Variants in CLCA2 observed in about 807,000 individuals in gnomAD.
CLCA2 encodes the protein calcium-activated chloride channel regulator 2.
Under a neutral mutation model 82.9 loss-of-function variants are expected in CLCA2, and 85 were observed. The observed-to-expected ratio is 1.03, with a 90% CI of 0.86 to 1.23. The LOEUF (loss-of-function observed/expected upper bound fraction) is 1.23, where lower values mean the gene tolerates loss of function less well. Among genes scored for constraint, CLCA2 ranks in the 50% most tolerant of loss-of-function variants. The pLI is 0.00. For synonymous variants in CLCA2, 421 were observed against 391.7 expected, an observed-to-expected ratio of 1.07 and a Z score of -0.88; for missense variants, 1,089 against 1,124.8, an observed-to-expected ratio of 0.97 and a Z score of 0.45.
At chr1:86,436,058 C>G (rs1045646044) in intron 6 of CLCA2, among the ~76,000 whole-genome samples, 3 of 152,158 alleles carry the variant, frequency 2.0e-5, no homozygotes, top group Non-Finnish European at 4.4e-5. Context: ...TCTATGGATA[C>G]TTTATTGCTA....
At chr1:86,428,350 G>T in intron 2 of CLCA2, 68 bp from the exon 3 acceptor site, 1 of 1,428,664 alleles carries the variant, frequency 7.0e-7, no homozygotes, top group Admixed American at 2.2e-5. Context: ...GTGCTTTAAT[G>T]AATGTATACA....
At chr1:86,425,566 T>TA in intron 2 of CLCA2, 90 bp downstream of exon 2, 1 of 1,104,168 alleles carries the variant, frequency 9.1e-7, no homozygotes, top group South Asian at 2.4e-5. Flanking sequence ...AGAAGTTAAG[T>TA]AAAAACAAAT....
At chr1:86,443,310 T>C (rs1293349207) in intron 9 of CLCA2, among the ~76,000 whole-genome samples, 1 of 152,352 alleles carries the variant, frequency 6.6e-6, no homozygotes, top group African/African-American at 2.4e-5. Flanking sequence ...ATTACAGGCA[T>C]GAGCCACTGT....
intron 2 of CLCA2, among the ~76,000 whole-genome samples, chr1:86,426,842 A>G (rs879553586): frequency 1.3e-5 from 2 of 152,168 alleles, no homozygotes; most frequent in Non-Finnish European, 2.9e-5. Context: ...CAATAGAACT[A>G]AGAAGTATTG....
Position 86,434,504 on chromosome 1 carries a change from G to A in CLCA2, c.745-14G>A, listed in dbSNP as rs55673006. ...GAAGTGCCTCTCTTTATTAAAGACTGTTTTTATTTCCAGGTGGTTGAATTT... is the reference window on the plus strand; with the variant it reads ...GAAGTGCCTCTCTTTATTAAAGACTATTTTTATTTCCAGGTGGTTGAATTT... On this transcript the variant is annotated splice_polypyrimidine_tract_variant and intron_variant, in intron 5 of 13. Coordinates refer to ENST00000370565, the MANE Select transcript of CLCA2 (RefSeq NM_006536.7). The A allele has an allele frequency of 6.2e-7, 1 of 1,609,314 alleles. No homozygotes were observed. Among genetic ancestry groups the A allele is most frequent in the African/African-American group, 1.3e-5 (1 of 74,816 alleles).
intron 12 of CLCA2, among the ~76,000 whole-genome samples, chr1:86,451,820 GC>G (rs1365486556): frequency 2.0e-5 from 3 of 152,130 alleles, no homozygotes; most frequent in African/African-American, 4.8e-5. Context: ...CCTCTTCGTA[GC>G]CTTGTTGGGA....
At chr1:86,433,192 G>T (rs1327980978) in intron 5 of CLCA2, among the ~76,000 whole-genome samples, 1 of 152,226 alleles carries the variant, frequency 6.6e-6, no homozygotes, top group Non-Finnish European at 1.5e-5. Context: ...TAGTCAGAGA[G>T]CATGGAATCA....
At chr1:86,444,741 A>G (rs529946490) in intron 10 of CLCA2, among the ~76,000 whole-genome samples, 16 of 152,200 alleles carry the variant, frequency 1.1e-4, no homozygotes, top group Non-Finnish European at 2.1e-4. Context: ...GCTTTGCACA[A>G]CAGTAAAGTG....
rs371123112 is a variant in CLCA2 at position 86,424,347 on chromosome 1, C to A, written c.100C>A (p.Gln34Lys). Residue 34 changes from glutamine to lysine, a missense_variant, in exon 1 of 14, where the codon CAG becomes AAG. Gln to Lys is a moderately conservative substitution (Grantham distance 53, BLOSUM62 1). Coordinates refer to ENST00000370565, the MANE Select transcript of CLCA2 (RefSeq NM_006536.7). Reference protein sequence around the residue: ...SELPFLGAGVQLQDNGYNGLL... With the variant: ...SELPFLGAGVKLQDNGYNGLL... ...ACTCCCATTCCTGGGAGCTGGAGTA[C>A]AGCTTCAAGACAATGGGTATAATGG... 4.9e-5 allele frequency: 79 copies of A among 1,613,858 alleles called. No individual in the cohort carries two copies. The highest frequency in any genetic ancestry group is 6.4e-5 in the Non-Finnish European group (76 of 1,179,938).
At chr1:86,430,464 G>A (rs1335359229) in intron 3 of CLCA2, among the ~76,000 whole-genome samples, 2 of 152,120 alleles carry the variant, frequency 1.3e-5, no homozygotes, top group East Asian at 3.8e-4. Context: ...GATTAGGAAA[G>A]CTTTATTTGC....
chr1:86,455,192 A>G lies in CLCA2; in HGVS notation c.2497A>G (p.Ile833Val), dbSNP rs1663049917. ...AAAGCGAAATCCTCAGCAAGCTGGC[A>G]TCAGGGAGATATTTACGTTCTCACC... is the stretch of plus-strand genomic sequence containing the variant. The part of the protein sequence containing the change: ...TSKRNPQQAG[I>V]REIFTFSPQI... The change falls in exon 14 of 14, where the codon ATC becomes GTC. Residue 833 changes from isoleucine (I) to valine (V), a missense_variant. Physicochemically the swap from Ile to Val is conservative, Grantham distance 29. Coordinates refer to ENST00000370565, the MANE Select transcript of CLCA2 (RefSeq NM_006536.7). The G allele has an allele frequency of 6.2e-7, 1 of 1,613,998 alleles. No individual in the cohort carries two copies. Among genetic ancestry groups the G allele is most frequent in the Non-Finnish European group, 8.5e-7 (1 of 1,179,886 alleles).
chr1:86,427,572 AC>A (rs1662413752), intron 2 of CLCA2, among the ~76,000 whole-genome samples: 1 of 151,764 alleles, frequency 6.6e-6, no homozygotes, highest in African/African-American at 2.4e-5. Context: ...ACACACACAC[AC>A]AAAACACATA....
At chr1:86,450,521 C>T (rs1662939485) in intron 11 of CLCA2, 42 bp from the exon 12 acceptor site, 1 of 1,466,458 alleles carries the variant, frequency 6.8e-7, no homozygotes, top group Admixed American at 1.9e-5. Context: ...TAGTAATCTA[C>T]TATAATAACA....
intron 9 of CLCA2, among the ~76,000 whole-genome samples, chr1:86,442,905 A>C (rs1220917472): frequency 6.6e-6 from 1 of 152,240 alleles, no homozygotes; most frequent in Non-Finnish European, 1.5e-5. Flanking sequence ...TATTTATCAC[A>C]GAGGATTTTT....
chr1:86,448,732 T>G (rs1662905284), intron 11 of CLCA2, among the ~76,000 whole-genome samples: 1 of 152,236 alleles, frequency 6.6e-6, no homozygotes, highest in Admixed American at 6.5e-5. Flanking sequence ...CAAAAGTTCA[T>G]TCAAAGGGTT....
Position 86,450,554 on chromosome 1 carries a change from T to C in CLCA2, c.1985-9T>C. The C allele has an allele frequency of 1.9e-6, 3 of 1,600,234 alleles. No individual in the cohort carries two copies. Among genetic ancestry groups the C allele is most frequent in the Admixed American group, 1.7e-5 (1 of 58,592 alleles). ...ACAAGTGTTGACACTGTGTTTTTTA[T>C]ATATACAGGTGCTGATGTTATAAAA... On this transcript the variant is annotated splice_polypyrimidine_tract_variant and intron_variant, in intron 11 of 13. Transcript: ENST00000370565.
Position 86,443,782 on chromosome 1 carries a change from AACAGCTTGAAAGT to A in CLCA2, c.1489_1501del (p.Leu497ValfsTer10). ...AAACTCTCATATATATCTTCTCTTTAACAGCTTGAAAGTACAGGTGAAAATGTCAAACCTCACC... is the reference window on the plus strand; with the variant it reads ...AAACTCTCATATATATCTTCTCTTTAACAGGTGAAAATGTCAAACCTCACC... On this transcript the variant is annotated splice_acceptor_variant and splice_polypyrimidine_tract_variant and coding_sequence_variant and intron_variant, in exon 10 of 14. Transcript: ENST00000370565. LOFTEE classifies it high-confidence loss of function. 4 of 1,609,060 alleles carry A rather than the reference AACAGCTTGAAAGT, an allele frequency of 2.5e-6. No individual in the cohort carries two copies. The African/African-American group carries it at 5.3e-5, about 22-fold the overall frequency.
At position 86,438,961 on chromosome 1, in the gene CLCA2, G is replaced by T. The variant is rs1433041319; in HGVS notation, c.1058G>T (p.Ser353Ile). 1 of 1,614,132 alleles carries T rather than the reference G, an allele frequency of 6.2e-7. No homozygotes were observed. The highest frequency in any genetic ancestry group is 1.1e-5 in the South Asian group (1 of 91,088). The change falls in exon 7 of 14, where the codon AGT becomes ATT. Residue 353 changes from serine to isoleucine, a missense_variant. By Grantham distance (142) the Ser-to-Ile change is moderately radical. Coordinates refer to ENST00000370565, the MANE Select transcript of CLCA2 (RefSeq NM_006536.7). ...ATTCATACCTTCGTGGGCATTGCCAGTTTCGACAGCAAAGGAGAGATCAGA... is the reference window on the plus strand; with the variant it reads ...ATTCATACCTTCGTGGGCATTGCCATTTTCGACAGCAAAGGAGAGATCAGA... The part of the protein sequence containing the change: ...VEIHTFVGIA[S>I]FDSKGEIRAQ...
In CLCA2 at chr1:86,447,755, T is replaced by C. The variant is rs1274435944; in HGVS notation, c.1961T>C (p.Leu654Pro). Reference sequence around the variant, plus strand: ...CCAGAGACTGGAGATCCTGTTACGCTGAGACTCCTTGATGATGGAGCAGGT... The same window carrying C: ...CCAGAGACTGGAGATCCTGTTACGCCGAGACTCCTTGATGATGGAGCAGGT... The part of the protein sequence containing the change: ...VEPETGDPVT[L>P]RLLDDGAGAD... The change falls in exon 11 of 14, where the codon CTG becomes CCG. Residue 654 changes from leucine (L) to proline (P), a missense_variant. Coordinates refer to ENST00000370565, the MANE Select transcript of CLCA2 (RefSeq NM_006536.7). 1 of 1,613,210 alleles carries C rather than the reference T, an allele frequency of 6.2e-7. No individual in the cohort carries two copies. Among genetic ancestry groups the C allele is most frequent in the East Asian group, 2.2e-5 (1 of 44,866 alleles).
Sources: gnomAD v4.1 joint callset for allele counts (sites outside exome capture counted in the v4.1 genomes callset) on GRCh38, gnomAD v4.1.1 for gene constraint, MANE v1.5 for transcripts, NCBI Gene and HGNC (gene_info 2026-07-23, HGNC 2026-07-21) for gene names.